The following MTUS2 variants were observed in gnomAD, a reference collection of about 807,000 sequenced individuals.
MTUS2 encodes microtubule-associated tumor suppressor candidate 2.
A neutral mutation model predicts 114.1 loss-of-function variants in MTUS2; 40 were observed. The ratio of observed to expected loss-of-function variants is 0.35; its 90% confidence interval spans 0.27 to 0.46. The LOEUF (loss-of-function observed/expected upper bound fraction) is 0.46, where lower values mean the gene tolerates loss of function less well. Among genes scored for constraint, MTUS2 ranks in the 20% least tolerant of loss-of-function variants. The pLI, the probability that MTUS2 is intolerant of heterozygous loss-of-function variation, is 1.00. For synonymous variants in MTUS2, 688 were observed against 672.0 expected, an observed-to-expected ratio of 1.02 and a Z score of -0.37; for missense variants, 1,679 against 1,705.4, an observed-to-expected ratio of 0.98 and a Z score of 0.27.
intron 6 of MTUS2, among the ~76,000 whole-genome samples, chr13:29,308,852 C>T (rs1899611396): frequency 6.6e-6 from 1 of 151,692 alleles, no homozygotes; most frequent in Non-Finnish European, 1.5e-5. Flanking sequence ...GAGATACCAT[C>T]TTATGGCAGT....
chr13:29,394,958 C>T (rs190452005), intron 8 of MTUS2, among the ~76,000 whole-genome samples: 1 of 152,290 alleles, frequency 6.6e-6, no homozygotes, highest in African/African-American at 2.4e-5. Context: ...GCCCCTTTCA[C>T]GAAATCAGTC....
At chr13:29,119,606 T>G (rs776601071) in intron 5 of MTUS2, among the ~76,000 whole-genome samples, 11 of 152,192 alleles carry the variant, frequency 7.2e-5, no homozygotes, top group Non-Finnish European at 1.3e-4. Context: ...AGGGAAAGAT[T>G]CCGGTCTGAT....
intron 4 of MTUS2, among the ~76,000 whole-genome samples, chr13:29,093,910 A>G (rs1017107830): frequency 2.0e-5 from 3 of 152,086 alleles, no homozygotes; most frequent in Admixed American, 2.0e-4. Flanking sequence ...GATTGAATAT[A>G]TTTTCTTTAA....
intron 12 of MTUS2, among the ~76,000 whole-genome samples, chr13:29,495,201 A>C (rs1285324457): frequency 6.7e-5 from 10 of 148,778 alleles, no homozygotes; most frequent in African/African-American, 2.5e-4. Context: ...AAAAAAAAAA[A>C]AAAAACTTAA....
At chr13:29,091,989 C>G (rs187207583) in intron 4 of MTUS2, among the ~76,000 whole-genome samples, 2 of 152,336 alleles carry the variant, frequency 1.3e-5, no homozygotes, top group East Asian at 3.9e-4. Flanking sequence ...CATCCTGATC[C>G]GGCACCTGTT....
intron 8 of MTUS2, among the ~76,000 whole-genome samples, chr13:29,370,221 C>T (rs1283830602): frequency 1.3e-5 from 2 of 152,008 alleles, no homozygotes; most frequent in African/African-American, 4.8e-5. Context: ...AAAAAACGTG[C>T]TATGGTTTGC....
chr13:29,224,906 G>A (rs1896045957), intron 5 of MTUS2, among the ~76,000 whole-genome samples: 1 of 152,174 alleles, frequency 6.6e-6, no homozygotes. Flanking sequence ...TTGAGCTCCT[G>A]TCCAATGATG....
chr13:29,025,096 C>G lies in MTUS2; in HGVS notation c.398C>G (p.Ser133Trp), dbSNP rs139759318. Residue 133 changes from serine (S) to tryptophan (W), a missense_variant, in exon 3 of 16, where the codon TCG (serine) becomes TGG (tryptophan). By Grantham distance (177) the Ser-to-Trp change is radical. Transcript: ENST00000612955. The part of the protein sequence containing the change: ...TTRSIQGPSL[S>W]SWRNVMSEAS... The stretch of plus-strand genomic sequence containing the variant: ...CGGAGTATTCAGGGACCAAGTCTGT[C>G]GAGTTGGAGGAATGTGATGAGTGAG... The G allele has an allele frequency of 4.3e-6, 7 of 1,613,812 alleles. No individual in the cohort carries two copies. The East Asian group carries it at 8.9e-5, about 21-fold the overall frequency.
chr13:29,297,681 G>A (rs968823958), intron 6 of MTUS2, among the ~76,000 whole-genome samples: 2 of 152,156 alleles, frequency 1.3e-5, no homozygotes, highest in Non-Finnish European at 2.9e-5. Context: ...TAATTCTGAG[G>A]TCTGTTTACA....
chr13:28,868,725 A>G (rs1443233515), intron 2 of MTUS2, among the ~76,000 whole-genome samples: 1 of 152,208 alleles, frequency 6.6e-6, no homozygotes, highest in Non-Finnish European at 1.5e-5. Context: ...AAAAGAAAAG[A>G]CATTTTAACT....
At position 28,846,238 on chromosome 13, in the gene MTUS2, A is replaced by T. The variant is rs535226033; in HGVS notation, c.-243+6388A>T. Among the ~76,000 whole-genome samples the T allele has an allele frequency of 3.9e-5, 6 of 152,210 alleles. No individual in the cohort carries two copies. The East Asian group carries it at 1.2e-3, about 29-fold the overall frequency. ...ATTTCTTAAATATGGAACCCACGTG[A>T]GAGACCACGGGGGAAATCTAAACTA... On this transcript the variant is annotated intron_variant, in intron 2 of 15. Transcript: ENST00000612955.
intron 7 of MTUS2, among the ~76,000 whole-genome samples, chr13:29,338,587 C>T (rs1901209055): frequency 7.1e-6 from 1 of 141,742 alleles, no homozygotes. Context: ...AAGACTCCAT[C>T]TCAGAAAACA....
intron 4 of MTUS2, among the ~76,000 whole-genome samples, chr13:29,048,136 A>G (rs1887721126): frequency 1.3e-5 from 2 of 152,164 alleles, no homozygotes; most frequent in Admixed American, 1.3e-4. Context: ...ATCTTTTCTT[A>G]TGCAGTATCT....
Position 29,480,166 on chromosome 13 carries a change from G to A in MTUS2, c.3201G>A (p.Lys1067=), listed in dbSNP as rs746040946. The A allele has an allele frequency of 1.1e-5, 17 of 1,554,184 alleles. No homozygotes were observed. The highest frequency in any genetic ancestry group is 1.5e-5 in the Non-Finnish European group (17 of 1,148,398). Residue 1067 remains lysine (K), a synonymous_variant, in exon 10 of 16, where the codon AAG becomes AAA. Transcript: ENST00000612955. This position sits in a 1 kb window ranked among gnomAD's most constrained non-coding sequence, Gnocchi z 4.4. ...IRDEVAFHTA[K]CEKLQKEKEE... is the part of the protein sequence containing the mutation. ...TGCGCCCAGCCTTCCATACAGCAAA[G>A]TGCGAGAAACTACAAAAGGAGAAGG...
rs373185721 is a variant in MTUS2 at position 28,865,708 on chromosome 13, A to G, written c.-243+25858A>G. On this transcript the variant is annotated intron_variant, in intron 2 of 15. Transcript: ENST00000612955. ...GATGGATTATGGCTTGTCTGGGGGTATTTCTCTTGAAATTAGCCCATTGAT... is the reference window on the plus strand; with the variant it reads ...GATGGATTATGGCTTGTCTGGGGGTGTTTCTCTTGAAATTAGCCCATTGAT... Among the ~76,000 whole-genome samples the G allele has an allele frequency of 5.3e-5, 8 of 152,168 alleles. 1 individual carries two copies. The East Asian group carries it at 1.4e-3, about 26-fold the overall frequency.
chr13:28,927,027 C>T (rs1053297099), intron 2 of MTUS2, among the ~76,000 whole-genome samples: 3 of 152,060 alleles, frequency 2.0e-5, no homozygotes, highest in African/African-American at 7.2e-5. Context: ...GAGTCAGGTG[C>T]AGAAAGGTAG....
intron 5 of MTUS2, among the ~76,000 whole-genome samples, chr13:29,169,258 A>C (rs1237064734): frequency 6.6e-6 from 1 of 152,234 alleles, no homozygotes; most frequent in Non-Finnish European, 1.5e-5. Flanking sequence ...GGAGCTCTCT[A>C]TAGACTCTCT....
Position 29,024,659 on chromosome 13 carries a change from G to A in MTUS2, c.-40G>A, listed in dbSNP as rs1396489698. 1.2e-6 allele frequency: 2 copies of A among 1,600,712 alleles called. No homozygotes were observed. Among genetic ancestry groups the A allele is most frequent in the Non-Finnish European group, 1.7e-6 (2 of 1,174,038 alleles). On this transcript the variant is annotated 5_prime_UTR_variant, in exon 3 of 16. Coordinates refer to ENST00000612955, the MANE Select transcript of MTUS2 (RefSeq NM_001033602.4). ...CTTGAAGGCAGCCCATTTCCATTAA[G>A]TAGGACTGCATGGCAAGCAGCCCCA...
chr13:29,212,041 C>A (rs867292742), intron 5 of MTUS2, among the ~76,000 whole-genome samples: 13 of 152,208 alleles, frequency 8.5e-5, no homozygotes, highest in African/African-American at 3.1e-4. Context: ...TAGTTGATGT[C>A]ATTGGTTGGA....
Sources: allele counts gnomAD v4.1 joint callset (sites outside exome capture counted in the v4.1 genomes callset), GRCh38; gene constraint gnomAD v4.1.1; non-coding constraint Gnocchi (gnomAD v3.1); transcripts MANE v1.5; gene names NCBI Gene and HGNC (gene_info 2026-07-23, HGNC 2026-07-21).